The following TMEM51 variants were observed in gnomAD, a reference collection of about 807,000 sequenced individuals.
TMEM51 encodes the protein transmembrane protein 51, also known as chromosome 1 open reading frame 72.
In TMEM51, 8 loss-of-function variants were observed where a neutral mutation model predicts 13.6. That is an observed-to-expected ratio of 0.59 (90% CI 0.35 to 1.07). The LOEUF (loss-of-function observed/expected upper bound fraction) is 1.07, where lower values mean the gene tolerates loss of function less well. Among genes scored for constraint, TMEM51 ranks in the 50% least tolerant of loss-of-function variants. The pLI is 0.02. For missense variants in TMEM51, 279 were observed against 330.7 expected, an observed-to-expected ratio of 0.84 and a Z score of 1.21; for synonymous variants, 147 against 144.4, an observed-to-expected ratio of 1.02 and a Z score of -0.13.
intron 1 of TMEM51, chr1:15,164,486 A>G (rs1414788333): frequency 2.2e-6 from 1 of 455,970 alleles, no homozygotes; most frequent in South Asian, 1.5e-5. Context: ...TGTGCTTCTC[A>G]CTGAATCATG....
chr1:15,173,837 G>A lies in TMEM51; in HGVS notation c.-267+19883G>A, dbSNP rs1215674348. Among the ~76,000 whole-genome samples, 9 of 152,156 alleles carry A rather than the reference G, an allele frequency of 5.9e-5. No homozygotes were observed. The East Asian group carries it at 1.5e-3, about 26-fold the overall frequency. Reference sequence around the variant, plus strand: ...TTCTTTTTGTGTCTGTCACCTTGACGTTAGTTGTCACCTTAACTAGGTAAG... The same window carrying A: ...TTCTTTTTGTGTCTGTCACCTTGACATTAGTTGTCACCTTAACTAGGTAAG... On this transcript the variant is annotated intron_variant, in intron 1 of 3. Transcript: ENST00000376008.
At chr1:15,189,138 T>C (rs6429724) in intron 1 of TMEM51, among the ~76,000 whole-genome samples, 90,942 of 150,942 alleles carry the variant, frequency 0.6, 28,085 homozygotes, top group East Asian at 0.93. Context: ...CCTCCCAGGT[T>C]AAGGGATTCT....
intron 1 of TMEM51, chr1:15,168,577 A>C (rs753362887): frequency 3.1e-6 from 4 of 1,304,558 alleles, no homozygotes; most frequent in Non-Finnish European, 4.0e-6. Context: ...GGCTAAGAGG[A>C]ACTGTGCCTG....
chr1:15,168,619 T>A, intron 1 of TMEM51: 1 of 1,304,470 alleles, frequency 7.7e-7, no homozygotes, highest in Non-Finnish European at 1.0e-6. Flanking sequence ...GCCATAGAGT[T>A]CTTCAACCTT....
intron 1 of TMEM51, among the ~76,000 whole-genome samples, chr1:15,200,407 C>CAA (rs55755539): frequency 0.12 from 8,303 of 67,770 alleles, 1,183 homozygotes; most frequent in Non-Finnish European, 0.15. Context: ...GACTCTGTCT[C>CAA]AAAAAAAAAA....
In TMEM51 at chr1:15,168,475, A is replaced by G. The variant is rs1363482298; in HGVS notation, c.-267+14521A>G. The G allele has an allele frequency of 4.6e-6, 6 of 1,299,586 alleles. No homozygotes were observed. In the Admixed American group the frequency reaches 7.0e-5, roughly 15 times the overall value. 80.5% of individuals were successfully genotyped at this position (1,299,586 alleles called of 1,614,324 possible). ...TGCAATTAGCTGTAACTCAGAATGT[A>G]TAAGTTCCAATTTTATGTATTATTG... On this transcript the variant is annotated intron_variant, in intron 1 of 3. Coordinates refer to ENST00000376008, the MANE Select transcript of TMEM51 (RefSeq NM_001136218.2).
intron 1 of TMEM51, chr1:15,168,638 G>A: frequency 7.7e-7 from 1 of 1,304,410 alleles, no homozygotes; most frequent in South Asian, 1.2e-5. Flanking sequence ...TTGCCTGTGT[G>A]TTTGTACTGA....
chr1:15,195,119 G>A (rs1644022210), intron 1 of TMEM51, among the ~76,000 whole-genome samples: 1 of 151,660 alleles, frequency 6.6e-6, no homozygotes, highest in Non-Finnish European at 1.5e-5. Flanking sequence ...TTTTTGTAGA[G>A]ATGGGGTTTC....
chr1:15,214,006 C>CTTTTTTTTTTTTTTTTTT (rs367871717), intron 2 of TMEM51, among the ~76,000 whole-genome samples: 1 of 124,204 alleles, frequency 8.1e-6, no homozygotes, highest in African/African-American at 3.1e-5. Context: ...AGCACCCAGC[C>CTTTTTTTTTTTTTTTTTT]TTTTTTTTTT....
intron 1 of TMEM51, among the ~76,000 whole-genome samples, chr1:15,170,502 G>A (rs917245370): frequency 6.6e-6 from 1 of 151,352 alleles, no homozygotes; most frequent in African/African-American, 2.4e-5. Flanking sequence ...TAGAAACGGG[G>A]TTTTGCCATG....
chr1:15,189,165 G>T (rs1057327311), intron 1 of TMEM51, among the ~76,000 whole-genome samples: 1 of 149,612 alleles, frequency 6.7e-6, no homozygotes, highest in South Asian at 2.1e-4. Flanking sequence ...TCAGCCTCCC[G>T]AGCAACTGGG....
At chr1:15,194,580 G>C (rs1557848366) in intron 1 of TMEM51, among the ~76,000 whole-genome samples, 1 of 152,190 alleles carries the variant, frequency 6.6e-6, no homozygotes, top group Admixed American at 6.5e-5. Context: ...CTAGGTTAAT[G>C]CACCTCTCAG....
At chr1:15,210,822 A>G (rs1438761140) in intron 2 of TMEM51, among the ~76,000 whole-genome samples, 1 of 152,198 alleles carries the variant, frequency 6.6e-6, no homozygotes, top group Non-Finnish European at 1.5e-5. Flanking sequence ...AAAGAACACC[A>G]TGCTAAATAT....
At chr1:15,180,545 A>G (rs893845043) in intron 1 of TMEM51, among the ~76,000 whole-genome samples, 1 of 152,198 alleles carries the variant, frequency 6.6e-6, no homozygotes, top group East Asian at 1.9e-4. Context: ...TATAGACACT[A>G]TGCTGATTGT....
chr1:15,170,314 A>AT, intron 1 of TMEM51, among the ~76,000 whole-genome samples: 1 of 150,606 alleles, frequency 6.6e-6, no homozygotes, highest in African/African-American at 2.4e-5. Flanking sequence ...GCTGCAGGGC[A>AT]AGGTAAAGCT....
intron 1 of TMEM51, among the ~76,000 whole-genome samples, chr1:15,181,456 T>A (rs4661594): frequency 6.6e-6 from 1 of 151,994 alleles, no homozygotes; most frequent in South Asian, 2.1e-4. Context: ...CCAGGGACTC[T>A]TAAGCGCTCA....
In TMEM51 at chr1:15,219,805, C is replaced by G. The variant is rs557232875; in HGVS notation, c.*62C>G. ...ACACCTTTCACCCCCAAGACTCTAA[C>G]AAAGCCACATGAGCCACAGTTGAGA... On this transcript the variant is annotated 3_prime_UTR_variant, in exon 4 of 4. Transcript: ENST00000376008. 2.4e-5 allele frequency: 37 copies of G among 1,551,234 alleles called. No homozygotes were observed. Among genetic ancestry groups the G allele is most frequent in the Non-Finnish European group, 3.2e-5 (37 of 1,146,454 alleles).
At chr1:15,175,507 C>T (rs1434592473) in intron 1 of TMEM51, among the ~76,000 whole-genome samples, 1 of 152,222 alleles carries the variant, frequency 6.6e-6, no homozygotes, top group African/African-American at 2.4e-5. Context: ...ATTTCTGCCT[C>T]AGGGCCTTTG....
At chr1:15,202,796 G>T (rs921455496) in intron 1 of TMEM51, among the ~76,000 whole-genome samples, 17 of 152,098 alleles carry the variant, frequency 1.1e-4, no homozygotes, top group Non-Finnish European at 4.4e-5. Context: ...TTAGGACCCG[G>T]ATATCTTTGA....
Sources: allele counts gnomAD v4.1 joint callset (sites outside exome capture counted in the v4.1 genomes callset), GRCh38; gene constraint gnomAD v4.1.1; transcripts MANE v1.5; gene names NCBI Gene and HGNC (gene_info 2026-07-23, HGNC 2026-07-21).